Variants in TMC3 observed in about 807,000 individuals in gnomAD.
The protein encoded by TMC3 is transmembrane channel-like protein 3.
In TMC3, 98 loss-of-function variants were observed where a neutral mutation model predicts 110.6. The observed-to-expected ratio is 0.89, with a 90% CI of 0.75 to 1.05. The LOEUF (loss-of-function observed/expected upper bound fraction) is 1.05, where lower values mean the gene tolerates loss of function less well. Among genes scored for constraint, TMC3 ranks in the 50% least tolerant of loss-of-function variants. TMC3 has a pLI of 0.00. For synonymous variants in TMC3, 489 were observed against 513.1 expected (o/e 0.95, Z 0.63); for missense variants, 1,319 against 1,373.2 (o/e 0.96, Z 0.62).
At chr15:81,340,214 CTCTG>C (rs1893684018) in intron 16 of TMC3, among the ~76,000 whole-genome samples, 1 of 125,206 alleles carries the variant, frequency 8.0e-6, no homozygotes, top group Admixed American at 7.7e-5. Context: ...CTCTGTCTCT[CTCTG>C]TCTCTGTCTC....
chr15:81,334,779 C>T lies in TMC3; in HGVS notation c.2400G>A (p.Arg800=), dbSNP rs199841277. ...CCCCAGGGAGAGGTGAGCTAGGAGC[C>T]CTGTCCCCTGGCCTCGGGCTCTGGG... ...SMPQSPRPGD[R]APSSPLPGVP... The change falls in exon 21 of 22, where the codon AGG becomes AGA. Residue 800 remains arginine, a synonymous_variant. Coordinates refer to ENST00000359440, the MANE Select transcript of TMC3 (RefSeq NM_001080532.3). 24 of 1,613,844 alleles carry T rather than the reference C, an allele frequency of 1.5e-5. No homozygotes were observed. The African/African-American group carries it at 2.7e-4, about 18-fold the overall frequency.
At chr15:81,348,523 G>C (rs1893873255) in intron 11 of TMC3, among the ~76,000 whole-genome samples, 1 of 152,160 alleles carries the variant, frequency 6.6e-6, no homozygotes, top group Admixed American at 6.5e-5. Flanking sequence ...CCCATAGAAG[G>C]TGTCTCAGGA....
At chr15:81,365,735 C>T (rs574553240) in intron 3 of TMC3, among the ~76,000 whole-genome samples, 3 of 149,480 alleles carry the variant, frequency 2.0e-5, no homozygotes, top group Non-Finnish European at 4.5e-5. Flanking sequence ...AAAAACTAAA[C>T]TTGGAAGAAA....
intron 10 of TMC3, 95 bp downstream of exon 10, chr15:81,351,599 G>GCCCCC (rs1410383201): frequency 6.9e-7 from 1 of 1,456,110 alleles, no homozygotes; most frequent in African/African-American, 1.4e-5. Flanking sequence ...TGATCCACCT[G>GCCCCC]CCCCAGCCTC....
In TMC3 at chr15:81,334,913, G is replaced by A; in HGVS notation, c.2266C>T (p.Gln756Ter). The change falls in exon 21 of 22, where the codon CAG becomes TAG. Residue 756 changes from glutamine to a stop codon, truncating the protein, a stop_gained. Coordinates refer to ENST00000359440, the MANE Select transcript of TMC3 (RefSeq NM_001080532.3). LOFTEE classifies it high-confidence loss of function. ...GTGCCCGAGTGCGCTGAGGACAGCTGGCTGGTAAGATCACTGTCGTTTGGA... is the reference window on the plus strand; with the variant it reads ...GTGCCCGAGTGCGCTGAGGACAGCTAGCTGGTAAGATCACTGTCGTTTGGA... ...KLPNDSDLTSQLSSAHSGTPQ... is the reference protein window; with the variant it reads ...KLPNDSDLTS 6.2e-7 allele frequency: 1 copy of A among 1,614,030 alleles called. No individual in the cohort carries two copies. The highest frequency in any genetic ancestry group is 1.1e-5 in the South Asian group (1 of 91,086).
rs1893765808 is a variant in TMC3, at chr15:81,343,898, G to A, written c.1647+19C>T. 2 of 1,608,938 alleles carry A rather than the reference G, an allele frequency of 1.2e-6. No homozygotes were observed. The highest frequency in any genetic ancestry group is 1.7e-6 in the Non-Finnish European group (2 of 1,177,274). ...TTTGGCCATATAAACTTTCCCAACA[G>A]ACACAGCATTTTACTTACAAACTTG... On this transcript the variant is annotated intron_variant, in intron 14 of 21. Transcript: ENST00000359440.
At chr15:81,334,220 A>G (rs1404681090) in intron 21 of TMC3, among the ~76,000 whole-genome samples, 2 of 152,220 alleles carry the variant, frequency 1.3e-5, no homozygotes, top group Non-Finnish European at 2.9e-5. Context: ...TCGCTGTGCT[A>G]CATTCAGATC....
At position 81,333,184 on chromosome 15, in the gene TMC3, G is replaced by T. The variant is rs762648775; in HGVS notation, c.2538C>A (p.His846Gln). The T allele has an allele frequency of 6.2e-7, 1 of 1,614,056 alleles. No individual in the cohort carries two copies. The highest frequency in any genetic ancestry group is 1.1e-5 in the South Asian group (1 of 91,088). ...GAGGTTCTGAGTGTACATCTTCGAT[G>T]TGCGTTGTAAATGTCATAGGTGTGC... Reference protein sequence around the residue: ...RSRTPMTFTTHIEDVHSEPLF... With the variant: ...RSRTPMTFTTQIEDVHSEPLF... The change falls in exon 22 of 22, where the codon CAC becomes CAA. Residue 846 changes from histidine (H) to glutamine (Q), a missense_variant. His to Gln is a conservative substitution (Grantham distance 24). Coordinates refer to ENST00000359440, the MANE Select transcript of TMC3 (RefSeq NM_001080532.3).
Position 81,374,184 on chromosome 15 carries a change from G to A in TMC3, c.-107C>T. On this transcript the variant is annotated 5_prime_UTR_variant, in exon 1 of 22. Transcript: ENST00000359440. ...GAATGGAAGCAGCGGAGTTTGCTCT[G>A]CCCGCTAGTTCTCAGGAAGAAGACT... is the stretch of plus-strand genomic sequence containing the variant. 1.1e-6 allele frequency: 1 copy of A among 952,310 alleles called. No homozygotes were observed. Among genetic ancestry groups the A allele is most frequent in the South Asian group, 1.4e-5 (1 of 70,634 alleles). 59.0% of individuals were successfully genotyped at this position (952,310 alleles called of 1,614,324 possible).
chr15:81,371,616 A>C (rs559875350), intron 2 of TMC3, among the ~76,000 whole-genome samples: 5 of 152,360 alleles, frequency 3.3e-5, no homozygotes, highest in Admixed American at 3.3e-4. Flanking sequence ...GACCCCAGGC[A>C]TCAGAATCAC....
At chr15:81,343,481 A>G in intron 14 of TMC3, 136 bp from the exon 15 acceptor site, 2 of 641,022 alleles carry the variant, frequency 3.1e-6, no homozygotes, top group Non-Finnish European at 5.6e-6. Flanking sequence ...CCATCCCAGC[A>G]AATGGTAAAT....
chr15:81,338,046 C>A, intron 18 of TMC3, 122 bp from the exon 19 acceptor site: 1 of 746,082 alleles, frequency 1.3e-6, no homozygotes, highest in Admixed American at 2.1e-5. Context: ...GGGCTATCCA[C>A]TGACCCTCCG....
Position 81,346,346 on chromosome 15 carries a change from A to C in TMC3, c.1272+19T>G, listed in dbSNP as rs375865174. ...GAGGGCAGAGGTGGGGCAGGCAACT[A>C]TCTGGGATGGGCACTCACCTCAATG... On this transcript the variant is annotated intron_variant, in intron 12 of 21. Coordinates refer to ENST00000359440, the MANE Select transcript of TMC3 (RefSeq NM_001080532.3). 1 of 1,612,066 alleles carries C rather than the reference A, an allele frequency of 6.2e-7. No homozygotes were observed. The highest frequency in any genetic ancestry group is 8.5e-7 in the Non-Finnish European group (1 of 1,178,804).
chr15:81,360,589 G>T (rs569257459), intron 4 of TMC3, among the ~76,000 whole-genome samples: 1 of 152,176 alleles, frequency 6.6e-6, no homozygotes, highest in Non-Finnish European at 1.5e-5. Flanking sequence ...AGCACTCTCC[G>T]TAGAGAAGTT....
intron 3 of TMC3, among the ~76,000 whole-genome samples, chr15:81,366,050 G>C (rs888323671): frequency 1.3e-5 from 2 of 152,162 alleles, no homozygotes; most frequent in African/African-American, 4.8e-5. Context: ...ATGTATGACA[G>C]TTCATGAAAA....
chr15:81,360,871 A>C (rs1894173069), intron 4 of TMC3, among the ~76,000 whole-genome samples: 1 of 152,130 alleles, frequency 6.6e-6, no homozygotes, highest in Non-Finnish European at 1.5e-5. Flanking sequence ...GTCCATACTC[A>C]ACAGCTGAGG....
At chr15:81,367,497 T>G (rs1343985382) in intron 3 of TMC3, among the ~76,000 whole-genome samples, 2 of 152,210 alleles carry the variant, frequency 1.3e-5, no homozygotes, top group Non-Finnish European at 2.9e-5. Context: ...AGCAGATAAT[T>G]TTAATGTATA....
Position 81,359,390 on chromosome 15 carries a change from G to C in TMC3, c.476C>G (p.Thr159Arg). Reference sequence around the variant, plus strand: ...CTCTGGAATGACAATAAAAGCACCTGTCATAATGGTGAGCACAATATTAAT... The same window carrying C: ...CTCTGGAATGACAATAAAAGCACCTCTCATAATGGTGAGCACAATATTAAT... The part of the protein sequence containing the change: ...FGINIVLTIM[T>R]GAFIVIPELI... Residue 159 changes from threonine to arginine, a missense_variant, in exon 5 of 22, where the codon ACA becomes AGA. Transcript: ENST00000359440. The C allele has an allele frequency of 6.2e-7, 1 of 1,605,948 alleles. No homozygotes were observed. Among genetic ancestry groups the C allele is most frequent in the Non-Finnish European group, 8.5e-7 (1 of 1,176,916 alleles).
chr15:81,356,675 A>G (rs1279184469), intron 7 of TMC3, 81 bp from the exon 8 acceptor site: 32 of 1,462,614 alleles, frequency 2.2e-5, no homozygotes, highest in Non-Finnish European at 2.9e-5. Context: ...CCTTTGTGTG[A>G]ATTAGCATAG....
Sources: gnomAD v4.1 joint callset for allele counts (sites outside exome capture counted in the v4.1 genomes callset) on GRCh38, gnomAD v4.1.1 for gene constraint, MANE v1.5 for transcripts, NCBI Gene and HGNC (gene_info 2026-07-23, HGNC 2026-07-21) for gene names.